KCNH5: variants seen among roughly 807,000 people sequenced by gnomAD.
The protein encoded by KCNH5 is voltage-gated delayed rectifier potassium channel KCNH5.
Under a neutral mutation model 96.1 loss-of-function variants are expected in KCNH5, and 46 were observed. The ratio of observed to expected loss-of-function variants is 0.48; its 90% CI spans 0.38 to 0.61. KCNH5 has a LOEUF of 0.61. KCNH5 is among the 20% of genes least tolerant of loss of function. KCNH5 has a pLI of 0.00. For synonymous variants in KCNH5, 439 were observed against 449.8 expected (o/e 0.98, Z 0.30); for missense variants, 907 against 1,225.8 (o/e 0.74, Z 3.88).
chr14:62,731,489 A>C (rs1259837742), intron 10 of KCNH5, among the ~76,000 whole-genome samples: 1 of 152,108 alleles, frequency 6.6e-6, no homozygotes, highest in Non-Finnish European at 1.5e-5. Context: ...CAAACTGTTG[A>C]TGGTTTACAC....
chr14:62,851,220 AG>A (rs1238598684), intron 7 of KCNH5, among the ~76,000 whole-genome samples: 1 of 152,186 alleles, frequency 6.6e-6, no homozygotes, highest in Non-Finnish European at 1.5e-5. Context: ...AGATTTTGTT[AG>A]ACCTGTGTAG....
intron 7 of KCNH5, among the ~76,000 whole-genome samples, chr14:62,928,967 T>G (rs1316988638): frequency 6.6e-6 from 1 of 152,090 alleles, no homozygotes; most frequent in African/African-American, 2.4e-5. Context: ...AGAATGTATG[T>G]GTCCAGCCAG....
At chr14:62,741,006 T>G (rs1014207236) in intron 10 of KCNH5, among the ~76,000 whole-genome samples, 8 of 152,184 alleles carry the variant, frequency 5.3e-5, no homozygotes, top group African/African-American at 1.9e-4. Flanking sequence ...TGTGCCTTGA[T>G]TTATTCTGAG....
At chr14:62,824,139 T>C (rs1887171056) in intron 8 of KCNH5, among the ~76,000 whole-genome samples, 1 of 152,004 alleles carries the variant, frequency 6.6e-6, no homozygotes. Context: ...CCCTATAGAC[T>C]ATATTTACTA....
At chr14:63,029,525 G>A (rs1056899456) in intron 1 of KCNH5, among the ~76,000 whole-genome samples, 1 of 151,836 alleles carries the variant, frequency 6.6e-6, no homozygotes, top group South Asian at 2.1e-4. Context: ...GTTTGTGGCG[G>A]GGGGGATGTA....
intron 4 of KCNH5, among the ~76,000 whole-genome samples, chr14:62,989,630 T>C (rs1322168958): frequency 6.6e-6 from 1 of 152,064 alleles, no homozygotes; most frequent in Non-Finnish European, 1.5e-5. Flanking sequence ...CATCATGGGA[T>C]GCATACCTCA....
intron 5 of KCNH5, among the ~76,000 whole-genome samples, chr14:62,982,123 G>T (rs1890620205): frequency 6.6e-6 from 1 of 152,186 alleles, no homozygotes; most frequent in African/African-American, 2.4e-5. Context: ...GAGGTCAGGA[G>T]ATCGAGACCA....
intron 8 of KCNH5, among the ~76,000 whole-genome samples, chr14:62,838,058 A>ATT (rs1887499930): frequency 6.6e-6 from 1 of 152,186 alleles, no homozygotes; most frequent in South Asian, 2.1e-4. Context: ...TAAACTACTG[A>ATT]TTTAAATTAT....
chr14:62,818,103 T>TGGGGGGGGGGGGGG (rs71120236), intron 8 of KCNH5, among the ~76,000 whole-genome samples: 1 of 39,904 alleles, frequency 2.5e-5, no homozygotes, highest in Non-Finnish European at 4.7e-5. Context: ...TACCAGGAGC[T>TGGGGGGGGGGGGGG]GGGGGCGGGG....
chr14:62,772,636 GA>G (rs3045398), intron 10 of KCNH5, among the ~76,000 whole-genome samples: 44,995 of 84,576 alleles, frequency 0.53, 10,685 homozygotes, highest in Non-Finnish European at 0.55. Flanking sequence ...GACTTTGTCT[GA>G]AAAAAAAAAA....
intron 2 of KCNH5, among the ~76,000 whole-genome samples, chr14:63,008,112 T>G (rs1891159832): frequency 6.6e-6 from 1 of 152,152 alleles, no homozygotes; most frequent in Admixed American, 6.6e-5. Context: ...TAACTAAGAT[T>G]TTGAAAGATC....
intron 10 of KCNH5, among the ~76,000 whole-genome samples, chr14:62,716,842 A>G (rs776842959): frequency 2.6e-5 from 4 of 152,210 alleles, no homozygotes; most frequent in Non-Finnish European, 5.9e-5. Context: ...CAGAATAGAA[A>G]GGAAGAATTA....
intron 8 of KCNH5, among the ~76,000 whole-genome samples, chr14:62,843,705 C>T (rs1005404526): frequency 2.0e-5 from 3 of 152,102 alleles, no homozygotes; most frequent in East Asian, 1.9e-4. Flanking sequence ...CCACTGAGCC[C>T]GGCCCCTACA....
intron 2 of KCNH5, among the ~76,000 whole-genome samples, chr14:63,012,733 T>C (rs555221381): frequency 6.6e-6 from 1 of 151,992 alleles, no homozygotes; most frequent in East Asian, 1.9e-4. Context: ...TCAGACATGA[T>C]GAATAGATCA....
chr14:62,825,445 T>A (rs80050594), intron 8 of KCNH5, among the ~76,000 whole-genome samples: 4,579 of 152,024 alleles, frequency 0.03, 237 homozygotes, highest in African/African-American at 0.11. Context: ...TTTTGAGAAA[T>A]CTCTTACTAC....
At position 62,707,808 on chromosome 14, in the gene KCNH5, G is replaced by A. The variant is rs1595587325; in HGVS notation, c.2667C>T (p.Pro889=). ...GEARSPLEHS[P]IQADAKHPFY... ...AGGGGTGCTTGGCATCAGCCTGGATGGGACTGTGCTCTAGCGGACTTCGGG... is the reference window on the plus strand; with the variant it reads ...AGGGGTGCTTGGCATCAGCCTGGATAGGACTGTGCTCTAGCGGACTTCGGG... The change falls in exon 11 of 11, where the codon CCC becomes CCT. Residue 889 remains proline (P), a synonymous_variant. Transcript: ENST00000322893. 3.7e-6 allele frequency: 6 copies of A among 1,614,002 alleles called. No individual in the cohort carries two copies. Among genetic ancestry groups the A allele is most frequent in the East Asian group, 2.2e-5 (1 of 44,868 alleles).
At chr14:62,769,355 G>T (rs1336879330) in intron 10 of KCNH5, among the ~76,000 whole-genome samples, 8 of 152,194 alleles carry the variant, frequency 5.3e-5, no homozygotes, top group Non-Finnish European at 1.2e-4. Context: ...TTGAGGTAAT[G>T]AGAGTTATAT....
At chr14:63,036,685 G>A (rs1376983741) in intron 1 of KCNH5, among the ~76,000 whole-genome samples, 2 of 152,020 alleles carry the variant, frequency 1.3e-5, no homozygotes, top group Admixed American at 6.6e-5. Flanking sequence ...CTGAAAAGTA[G>A]GATGGAGATG....
intron 7 of KCNH5, among the ~76,000 whole-genome samples, chr14:62,935,010 GAC>G (rs1889651920): frequency 6.6e-6 from 1 of 152,178 alleles, no homozygotes; most frequent in Non-Finnish European, 1.5e-5. Context: ...CAACATGATA[GAC>G]ACAGAGTGGC....
Sources: gnomAD v4.1 joint callset for allele counts (sites outside exome capture counted in the v4.1 genomes callset) on GRCh38, gnomAD v4.1.1 for gene constraint, MANE v1.5 for transcripts, NCBI Gene and HGNC (gene_info 2026-07-23, HGNC 2026-07-21) for gene names.